Variants in PLPP3 observed in about 807,000 individuals in gnomAD.
The protein encoded by PLPP3 is phospholipid phosphatase 3.
PLPP3 carries 6 observed loss-of-function variants against 29.6 expected under a neutral mutation model. The observed-to-expected ratio is 0.20, with a 90% CI of 0.11 to 0.40. PLPP3 has a LOEUF of 0.40. PLPP3 is among the 10% of genes least tolerant of loss of function. PLPP3 has a pLI of 1.00. For synonymous variants in PLPP3, 152 were observed against 159.7 expected (o/e 0.95, Z 0.36); for missense variants, 308 against 407.7 (o/e 0.76, Z 2.11).
intron 4 of PLPP3, chr1:56,513,469 A>C (rs542045770): frequency 1.3e-5 from 2 of 152,764 alleles, no homozygotes; most frequent in African/African-American, 4.8e-5. Context: ...GCAGTGCTGA[A>C]GACATGAGTT....
chr1:56,500,536 C>T (rs998869157), intron 5 of PLPP3, among the ~76,000 whole-genome samples: 1 of 152,206 alleles, frequency 6.6e-6, no homozygotes, highest in South Asian at 2.1e-4. Flanking sequence ...CATCCAGGAG[C>T]TGCAGGAAGC....
At chr1:56,538,044 A>G (rs1424559215) in intron 1 of PLPP3, among the ~76,000 whole-genome samples, 3 of 152,146 alleles carry the variant, frequency 2.0e-5, no homozygotes, top group African/African-American at 7.2e-5. Flanking sequence ...CATGGCCCCC[A>G]TTCCCTTCTA....
chr1:56,534,369 G>A (rs554921488), intron 2 of PLPP3, among the ~76,000 whole-genome samples: 6 of 152,252 alleles, frequency 3.9e-5, no homozygotes, highest in African/African-American at 7.2e-5. Context: ...TCCATAACGC[G>A]TGATGATTTG....
At chr1:56,531,709 C>G (rs1434454343) in intron 2 of PLPP3, among the ~76,000 whole-genome samples, 1 of 152,220 alleles carries the variant, frequency 6.6e-6, no homozygotes, top group Non-Finnish European at 1.5e-5. Context: ...GCTTGAAAGC[C>G]AAACAGATCT....
At position 56,537,040 on chromosome 1, in the gene PLPP3, T is replaced by C; in HGVS notation, c.212A>G (p.Glu71Gly). Residue 71 changes from glutamate to glycine, a missense_variant, in exon 2 of 6, where the codon GAG (glutamate) becomes GGG (glycine). By Grantham distance (98) the Glu-to-Gly change is moderately conservative (BLOSUM62 -2). Around this residue, in one of 3 missense-constraint regions of PLPP3, gnomAD observed 232 missense variants for 317.2 expected, o/e 0.73. Coordinates refer to ENST00000371250, the MANE Select transcript of PLPP3 (RefSeq NM_003713.5). The part of the protein sequence containing the change: ...PYHRGFYCND[E>G]SIKYPLKTGE... ...AGTTTTCAGTGGGTACTTGATGCTC[T>C]CATCATTGCAGTAAAACCCTCGGTG... The C allele has an allele frequency of 6.2e-7, 1 of 1,613,660 alleles. No individual in the cohort carries two copies. Among genetic ancestry groups the C allele is most frequent in the Non-Finnish European group, 8.5e-7 (1 of 1,179,828 alleles).
chr1:56,566,146 T>C (rs199540468), intron 1 of PLPP3, among the ~76,000 whole-genome samples: 14 of 152,182 alleles, frequency 9.2e-5, no homozygotes, highest in Non-Finnish European at 1.5e-4. Flanking sequence ...TAGCAGAGGA[T>C]GCCCCATGAT....
In PLPP3 at chr1:56,573,842, C is replaced by T. The variant is rs192835506; in HGVS notation, c.139+5036G>A. Among the ~76,000 whole-genome samples, 133 of 152,224 alleles carry T rather than the reference C, an allele frequency of 8.7e-4. 1 individual carries two copies. The highest frequency in any genetic ancestry group is 2.9e-3 in the African/African-American group (120 of 41,538). The stretch of plus-strand genomic sequence containing the variant: ...CGCTGTGACCAACTGGGCTTTCTAG[C>T]CCAAACAACTGCACAAGAAAGGGTA... On this transcript the variant is annotated intron_variant, in intron 1 of 5. Coordinates refer to ENST00000371250, the MANE Select transcript of PLPP3 (RefSeq NM_003713.5).
intron 4 of PLPP3, chr1:56,512,731 CAATAT>C (rs1645752132): frequency 6.6e-6 from 1 of 152,076 alleles, no homozygotes; most frequent in Non-Finnish European, 1.5e-5. Flanking sequence ...GAAAGCTGAG[CAATAT>C]AATATATGTA....
At chr1:56,568,406 A>G (rs1368288654) in intron 1 of PLPP3, among the ~76,000 whole-genome samples, 2 of 152,218 alleles carry the variant, frequency 1.3e-5, no homozygotes, top group Admixed American at 1.3e-4. Flanking sequence ...TTTATAGCCC[A>G]CTTATTTTAA....
rs551741450 is a variant in PLPP3, at chr1:56,513,700, T to C, written c.634-1548A>G. On this transcript the variant is annotated intron_variant, in intron 4 of 5. Coordinates refer to ENST00000371250, the MANE Select transcript of PLPP3 (RefSeq NM_003713.5). ...ATTTTGAAATTATAAAAATGTATTATTGGAAAAACTTAAGAGGAAAAAATA... is the reference window on the plus strand; with the variant it reads ...ATTTTGAAATTATAAAAATGTATTACTGGAAAAACTTAAGAGGAAAAAATA... The C allele has an allele frequency of 5.3e-5, 8 of 152,138 alleles. 1 individual carries two copies. Among genetic ancestry groups the C allele is most frequent in the Non-Finnish European group, 7.4e-5 (5 of 68,024 alleles). 9.4% of individuals were successfully genotyped at this position (152,138 alleles called of 1,614,324 possible). A position where few individuals can be genotyped will look rare whatever the true frequency, so the allele number is the denominator to read the frequency against.
chr1:56,511,359 G>A (rs551951510), intron 5 of PLPP3, among the ~76,000 whole-genome samples: 4 of 152,256 alleles, frequency 2.6e-5, no homozygotes, highest in Non-Finnish European at 5.9e-5. Context: ...TTATCCCTAG[G>A]AAGTCTGTGA....
intron 4 of PLPP3, among the ~76,000 whole-genome samples, chr1:56,521,713 C>T (rs1378105520): frequency 8.5e-6 from 1 of 117,194 alleles, no homozygotes. Context: ...GGAGGCTCTC[C>T]TCCCTCCCTC....
chr1:56,578,476 C>T (rs971616133), intron 1 of PLPP3, among the ~76,000 whole-genome samples: 3 of 152,182 alleles, frequency 2.0e-5, no homozygotes, highest in African/African-American at 7.2e-5. Context: ...ACTCTCGGGG[C>T]GATCCATTTC....
chr1:56,497,367 G>A (rs911565184), intron 5 of PLPP3, among the ~76,000 whole-genome samples: 2 of 152,246 alleles, frequency 1.3e-5, no homozygotes, highest in Non-Finnish European at 2.9e-5. Flanking sequence ...TTGCAAAGGT[G>A]TGAGGATGGC....
rs375567902 is a variant in PLPP3, at chr1:56,550,610, G to C, written c.140-13498C>G. On this transcript the variant is annotated intron_variant, in intron 1 of 5. Coordinates refer to ENST00000371250, the MANE Select transcript of PLPP3 (RefSeq NM_003713.5). ...GAGGAAGAGGGTTGCGAAGCCCAAG[G>C]GGGGTTCAGGCCTTCTCTATGCCCC... 9.9e-5 allele frequency among the ~76,000 whole-genome samples: 15 copies of C among 152,222 alleles called. No homozygotes were observed. In the East Asian group the frequency reaches 1.9e-3, roughly 20 times the overall value.
chr1:56,501,524 C>T (rs1173882909), intron 5 of PLPP3, among the ~76,000 whole-genome samples: 1 of 152,152 alleles, frequency 6.6e-6, no homozygotes, highest in East Asian at 1.9e-4. Context: ...CTTCTCTCCC[C>T]AGCCCCTGGT....
At chr1:56,503,912 G>GTGCA (rs1414196483) in intron 5 of PLPP3, among the ~76,000 whole-genome samples, 2 of 152,064 alleles carry the variant, frequency 1.3e-5, no homozygotes, top group African/African-American at 4.8e-5. Flanking sequence ...CGAGTAGCTG[G>GTGCA]GATTACAGGT....
chr1:56,535,770 C>T (rs1322263324), intron 2 of PLPP3, among the ~76,000 whole-genome samples: 1 of 152,136 alleles, frequency 6.6e-6, no homozygotes, highest in Non-Finnish European at 1.5e-5. Flanking sequence ...TTTGCCCATC[C>T]TGGGGCCAGG....
intron 5 of PLPP3, among the ~76,000 whole-genome samples, chr1:56,506,010 G>T (rs1231588839): frequency 6.6e-6 from 1 of 152,170 alleles, no homozygotes; most frequent in East Asian, 1.9e-4. Flanking sequence ...GCCAGCAGTG[G>T]CAAGATCAGA....
Sources: gnomAD v4.1 joint callset for allele counts (sites outside exome capture counted in the v4.1 genomes callset) on GRCh38, gnomAD v4.1.1 for gene constraint, gnomAD v4.1.1 regional missense constraint, MANE v1.5 for transcripts, NCBI Gene and HGNC (gene_info 2026-07-23, HGNC 2026-07-21) for gene names.